Variants in ZNF385D observed in about 807,000 individuals in gnomAD.
ZNF385D encodes the protein zinc finger protein 659.
In ZNF385D, 15 loss-of-function variants were observed where a neutral mutation model predicts 35.8. The ratio of observed to expected loss-of-function variants is 0.42; its 90% confidence interval spans 0.28 to 0.64. The LOEUF is 0.64. ZNF385D is among the 30% of genes least tolerant of loss of function. ZNF385D has a pLI of 0.23. For missense variants in ZNF385D, 474 were observed against 494.6 expected (o/e 0.96, Z 0.39); for synonymous variants, 212 against 186.8 (o/e 1.13, Z -1.10).
intron 3 of ZNF385D, among the ~76,000 whole-genome samples, chr3:21,877,640 T>C (rs1361690865): frequency 1.3e-5 from 2 of 152,082 alleles, no homozygotes; most frequent in African/African-American, 4.8e-5. Context: ...AAACTATTTT[T>C]AGTACTTAGT....
At chr3:21,734,384 T>C (rs774893788) in intron 1 of ZNF385D, among the ~76,000 whole-genome samples, 1 of 152,042 alleles carries the variant, frequency 6.6e-6, no homozygotes, top group Non-Finnish European at 1.5e-5. Flanking sequence ...TAAAAAACTT[T>C]TATTTTAGAT....
intron 3 of ZNF385D, among the ~76,000 whole-genome samples, chr3:21,858,516 T>C (rs1203801593): frequency 6.6e-6 from 1 of 152,024 alleles, no homozygotes; most frequent in Non-Finnish European, 1.5e-5. Context: ...AGTGTCCTTA[T>C]AAAAGAGGAC....
intron 2 of ZNF385D, among the ~76,000 whole-genome samples, chr3:22,372,058 C>G (rs1016747551): frequency 1.3e-5 from 2 of 152,150 alleles, no homozygotes; most frequent in Non-Finnish European, 2.9e-5. Flanking sequence ...GAAAGACAGA[C>G]AGCAGGACGT....
At chr3:21,556,005 GTCTTC>G (rs1332250910) in intron 3 of ZNF385D, among the ~76,000 whole-genome samples, 2 of 146,980 alleles carry the variant, frequency 1.4e-5, no homozygotes, top group African/African-American at 2.5e-5. Context: ...CTGCATAAAT[GTCTTC>G]TCTTAAGAAG....
intron 3 of ZNF385D, among the ~76,000 whole-genome samples, chr3:21,959,118 G>A (rs1035701625): frequency 5.3e-5 from 8 of 152,120 alleles, no homozygotes; most frequent in African/African-American, 1.9e-4. Flanking sequence ...AAATGTCATT[G>A]CACTTAAAGT....
At chr3:21,615,080 A>G (rs2064805720) in intron 2 of ZNF385D, among the ~76,000 whole-genome samples, 1 of 152,120 alleles carries the variant, frequency 6.6e-6, no homozygotes, top group South Asian at 2.1e-4. Flanking sequence ...CCCCCTCCAA[A>G]TCTCATGTTT....
At chr3:21,656,126 C>T (rs1314103585) in intron 2 of ZNF385D, among the ~76,000 whole-genome samples, 2 of 151,982 alleles carry the variant, frequency 1.3e-5, no homozygotes, top group Non-Finnish European at 2.9e-5. Flanking sequence ...GAGTCTCTCA[C>T]CCCACATGTA....
At chr3:21,977,097 A>G (rs1285397536) in intron 3 of ZNF385D, among the ~76,000 whole-genome samples, 1 of 152,186 alleles carries the variant, frequency 6.6e-6, no homozygotes, top group African/African-American at 2.4e-5. Flanking sequence ...GTGTTGCATG[A>G]TGCCATTTAA....
chr3:22,094,216 G>A (rs900332965), intron 3 of ZNF385D, among the ~76,000 whole-genome samples: 7 of 143,348 alleles, frequency 4.9e-5, no homozygotes, highest in Non-Finnish European at 6.2e-5. Flanking sequence ...ATATTGCATT[G>A]TCAAGTAGCA....
chr3:21,898,793 A>C (rs1478121882), intron 3 of ZNF385D, among the ~76,000 whole-genome samples: 1 of 152,136 alleles, frequency 6.6e-6, no homozygotes, highest in Non-Finnish European at 1.5e-5. Flanking sequence ...TGATAAAGCA[A>C]AGGCTACCAC....
At chr3:21,738,218 G>A (rs1323833065) in intron 1 of ZNF385D, among the ~76,000 whole-genome samples, 2 of 152,166 alleles carry the variant, frequency 1.3e-5, no homozygotes, top group African/African-American at 2.4e-5. Flanking sequence ...GTGAGAATAC[G>A]CTCCTAGGTT....
rs1444597218 is a variant in ZNF385D, at chr3:21,415,284, G to T, written c.*5930C>A. The T allele has an allele frequency of 2.6e-5, 4 of 152,104 alleles. No individual in the cohort carries two copies. Among genetic ancestry groups the T allele is most frequent in the African/African-American group, 7.2e-5 (3 of 41,416 alleles). 9.4% of individuals were successfully genotyped at this position (152,104 alleles called of 1,614,324 possible). A position where few individuals can be genotyped will look rare whatever the true frequency, so the allele number is the denominator to read the frequency against. ...CTGCACACTACCTGGATTTGAGGAA[G>T]ATTTTATAAGCATTCAAAGTCAGTA... On this transcript the variant is annotated 3_prime_UTR_variant, in exon 8 of 8. Coordinates refer to ENST00000281523, the MANE Select transcript of ZNF385D (RefSeq NM_024697.3).
intron 1 of ZNF385D, among the ~76,000 whole-genome samples, chr3:21,685,210 G>A (rs778925324): frequency 5.0e-4 from 76 of 152,234 alleles, no homozygotes; most frequent in East Asian, 3.5e-3. Flanking sequence ...CTCAATGAAC[G>A]TAGAAAAGTA....
intron 3 of ZNF385D, among the ~76,000 whole-genome samples, chr3:22,018,555 T>A (rs1024820362): frequency 6.6e-6 from 1 of 152,058 alleles, no homozygotes; most frequent in African/African-American, 2.4e-5. Flanking sequence ...TTTGTTTCAT[T>A]ACATCTTCCA....
rs1001008986 is a variant in ZNF385D at position 22,244,346 on chromosome 3, A to G, written c.107-75311T>C. ...TCTTACTTAGCTTTGAAGCAAAGTG[A>G]TACCAGACAACCGAATGTAAAAAAA... On this transcript the variant is annotated intron_variant, in intron 2 of 5. Coordinates refer to the ZNF385D transcript ENST00000494108. Among the ~76,000 whole-genome samples the G allele has an allele frequency of 5.8e-5, 8 of 137,028 alleles. 1 individual carries two copies. Among genetic ancestry groups the G allele is most frequent in the African/African-American group, 1.9e-4 (7 of 36,774 alleles). 89.9% of individuals were successfully genotyped at this position (137,028 alleles called of 152,430 possible).
rs193254155 is a variant in ZNF385D at position 21,439,713 on chromosome 3, G to A, written c.440-2510C>T. Among the ~76,000 whole-genome samples, 306 of 152,110 alleles carry A rather than the reference G, an allele frequency of 2.0e-3. 1 individual carries two copies. Among genetic ancestry groups the A allele is most frequent in the Non-Finnish European group, 3.2e-3 (217 of 67,948 alleles). ...ATCTTTCGATTCCTGTGACATCTAC[G>A]TTAGTGTTTCTCTGACCCCAGAGGA... is the stretch of plus-strand genomic sequence containing the variant. On this transcript the variant is annotated intron_variant, in intron 4 of 7. Coordinates refer to ENST00000281523, the MANE Select transcript of ZNF385D (RefSeq NM_024697.3).
intron 2 of ZNF385D, among the ~76,000 whole-genome samples, chr3:22,173,467 A>G (rs767834081): frequency 6.6e-6 from 1 of 152,220 alleles, no homozygotes; most frequent in African/African-American, 2.4e-5. Context: ...ATTATACAGT[A>G]AAAGTTTTAT....
At chr3:21,636,409 TATATA>T (rs1297158156) in intron 2 of ZNF385D, among the ~76,000 whole-genome samples, 617 of 44,052 alleles carry the variant, frequency 0.014, 17 homozygotes, top group East Asian at 0.052. Flanking sequence ...TATATATATA[TATATA>T]GAGTTTCTTA....
chr3:22,303,714 A>G (rs1224121105), intron 2 of ZNF385D, among the ~76,000 whole-genome samples: 1 of 152,134 alleles, frequency 6.6e-6, no homozygotes, highest in African/African-American at 2.4e-5. Context: ...GTAAAAAATC[A>G]TATGCTCTCA....
Sources: allele counts gnomAD v4.1 joint callset (sites outside exome capture counted in the v4.1 genomes callset), GRCh38; gene constraint gnomAD v4.1.1; transcripts MANE v1.5; gene names NCBI Gene and HGNC (gene_info 2026-07-23, HGNC 2026-07-21).